Variants in PIK3C2A observed in about 807,000 individuals in gnomAD.
PIK3C2A encodes the protein phosphatidylinositol 4-phosphate 3-kinase C2 domain-containing subunit alpha.
A neutral mutation model predicts 204.5 loss-of-function variants in PIK3C2A; 97 were observed. The observed-to-expected ratio is 0.47, with a 90% CI of 0.40 to 0.56. PIK3C2A has a LOEUF of 0.56. Ranked by LOEUF, PIK3C2A falls within the 20% of genes least tolerant of loss-of-function variation. The pLI, the probability that PIK3C2A is intolerant of heterozygous loss-of-function variation, is 0.00. For synonymous variants in PIK3C2A, 653 were observed against 664.4 expected, an observed-to-expected ratio of 0.98 and a Z score of 0.26; for missense variants, 1,735 against 1,969.2, an observed-to-expected ratio of 0.88 and a Z score of 2.25.
intron 8 of PIK3C2A, among the ~76,000 whole-genome samples, chr11:17,138,564 T>G (rs534828751): frequency 1.8e-4 from 27 of 152,296 alleles, no homozygotes; most frequent in Non-Finnish European, 3.5e-4. Context: ...TTACTGTCCT[T>G]TTTTCCTCAG....
At chr11:17,136,258 G>A (rs1020177122) in intron 9 of PIK3C2A, among the ~76,000 whole-genome samples, 4 of 152,094 alleles carry the variant, frequency 2.6e-5, no homozygotes, top group Non-Finnish European at 5.9e-5. Context: ...TATACACAAA[G>A]GGTTCACAGT....
intron 1 of PIK3C2A, among the ~76,000 whole-genome samples, chr11:17,201,083 G>A (rs957354624): frequency 3.9e-5 from 6 of 152,102 alleles, no homozygotes; most frequent in African/African-American, 1.2e-4. Context: ...GCAGACGCCT[G>A]TAATCCCAGC....
chr11:17,136,540 G>A lies in PIK3C2A; in HGVS notation c.1790C>T (p.Thr597Ile). Residue 597 changes from threonine to isoleucine, a missense_variant, in exon 9 of 33, where the codon ACA becomes ATA. This residue lies in a region of PIK3C2A where 106 missense variants were observed against 108.2 expected (regional missense o/e 0.98). Transcript: ENST00000691414. ...ALDGVETLAI[T>I]ESVKKLKRAV... ...TCTCTTTAGCTTCTTTACTGATTCT[G>A]TAATGGCAAGAGTCTCGACACCATC... 6.2e-7 allele frequency: 1 copy of A among 1,606,572 alleles called. No homozygotes were observed. Among genetic ancestry groups the A allele is most frequent in the Non-Finnish European group, 8.5e-7 (1 of 1,173,444 alleles).
intron 1 of PIK3C2A, among the ~76,000 whole-genome samples, chr11:17,202,239 AGAGT>A (rs964318263): frequency 3.5e-5 from 5 of 142,596 alleles, no homozygotes; most frequent in Admixed American, 2.8e-4. Flanking sequence ...CTGGGCGACA[AGAGT>A]GAGACTTCAT....
intron 2 of PIK3C2A, among the ~76,000 whole-genome samples, chr11:17,165,114 T>G (rs1455472270): frequency 6.6e-6 from 1 of 152,154 alleles, no homozygotes; most frequent in Non-Finnish European, 1.5e-5. Context: ...TAACAACCTG[T>G]GCTTTGGGTT....
chr11:17,116,584 TAGCA>T (rs774518517), intron 19 of PIK3C2A, among the ~76,000 whole-genome samples: 6 of 151,956 alleles, frequency 3.9e-5, no homozygotes, highest in Non-Finnish European at 7.4e-5. Flanking sequence ...TGAATATTCA[TAGCA>T]GTATTCTTTT....
chr11:17,113,778 T>C (rs1371985694), intron 20 of PIK3C2A, among the ~76,000 whole-genome samples: 5 of 109,080 alleles, frequency 4.6e-5, no homozygotes, highest in Non-Finnish European at 7.1e-5. Flanking sequence ...CAAGACTCCA[T>C]CTCAAAAAAA....
chr11:17,201,525 C>CAAAAAAAAAAAAAAAAAAA (rs869055451), intron 1 of PIK3C2A, among the ~76,000 whole-genome samples: 1 of 28,938 alleles, frequency 3.5e-5, no homozygotes, highest in Non-Finnish European at 7.0e-5. Flanking sequence ...GACTCCGTCT[C>CAAAAAAAAAAAAAAAAAAA]AAAAAAAAAA....
chr11:17,095,545 C>T (rs527652998), intron 27 of PIK3C2A, among the ~76,000 whole-genome samples: 10 of 150,930 alleles, frequency 6.6e-5, no homozygotes, highest in Admixed American at 2.6e-4. Context: ...GAGCTGAGAT[C>T]ACACCTCTGC....
chr11:17,125,922 G>A (rs1182379056), intron 13 of PIK3C2A, among the ~76,000 whole-genome samples: 2 of 152,052 alleles, frequency 1.3e-5, no homozygotes, highest in Non-Finnish European at 1.5e-5. Context: ...CCAGGAGTTC[G>A]AGACCAACCT....
intron 1 of PIK3C2A, among the ~76,000 whole-genome samples, chr11:17,191,800 TA>T (rs543708998): frequency 1.1e-3 from 172 of 152,212 alleles, no homozygotes; most frequent in African/African-American, 3.9e-3. Flanking sequence ...AGGATCTTCA[TA>T]AAAGTTTTAG....
chr11:17,124,963 G>A (rs1849477044), intron 13 of PIK3C2A, among the ~76,000 whole-genome samples: 2 of 152,102 alleles, frequency 1.3e-5, no homozygotes, highest in South Asian at 4.1e-4. Flanking sequence ...TTCAGATTTA[G>A]TTCTTTGGCA....
At chr11:17,113,801 G>T (rs1314126163) in intron 20 of PIK3C2A, among the ~76,000 whole-genome samples, 1 of 147,304 alleles carries the variant, frequency 6.8e-6, no homozygotes, top group Non-Finnish European at 1.5e-5. Flanking sequence ...AAAAAAAAAG[G>T]CCAGGCATGG....
Position 17,145,679 on chromosome 11 carries a change from G to A in PIK3C2A, c.1693C>T (p.Leu565Phe). ...GAATTAAGACTTACTTCAATTTGAAGAGCCAGTTCTACTTGGTTGTGATAA... is the reference window on the plus strand; with the variant it reads ...GAATTAAGACTTACTTCAATTTGAAAAGCCAGTTCTACTTGGTTGTGATAA... ...DSYHNQVELA[L>F]QIENQHRAVD... Residue 565 changes from leucine to phenylalanine, a missense_variant, in exon 8 of 33, where the codon CTT becomes TTT. By Grantham distance (22) the Leu-to-Phe change is conservative. Transcript: ENST00000691414. 9 of 1,598,916 alleles carry A rather than the reference G, an allele frequency of 5.6e-6. No homozygotes were observed. Among genetic ancestry groups the A allele is most frequent in the Non-Finnish European group, 7.7e-6 (9 of 1,168,386 alleles).
intron 1 of PIK3C2A, among the ~76,000 whole-genome samples, chr11:17,196,186 A>C (rs898956967): frequency 6.6e-6 from 1 of 152,170 alleles, no homozygotes; most frequent in Non-Finnish European, 1.5e-5. Context: ...AAATCTTAAA[A>C]TCTCCATCTA....
rs1317461512 is a variant in PIK3C2A at position 17,101,423 on chromosome 11, G to A, written c.3863C>T (p.Pro1288Leu). The A allele has an allele frequency of 6.5e-7, 1 of 1,527,986 alleles. No individual in the cohort carries two copies. The highest frequency in any genetic ancestry group is 8.9e-7 in the Non-Finnish European group (1 of 1,122,538). 94.7% of individuals were successfully genotyped at this position (1,527,986 alleles called of 1,614,324 possible). A position where few individuals can be genotyped will look rare whatever the true frequency, so the allele number is the denominator to read the frequency against. ...TGCCATATCAGAGGTCAGCACAAAA[G>A]GAGCCCGATCCCTATTTAAAATGAA... ...MFGSFKRDRAPFVLTSDMAYV... is the reference protein window; with the variant it reads ...MFGSFKRDRALFVLTSDMAYV... The change falls in exon 25 of 33, where the codon CCT becomes CTT. Residue 1288 changes from proline (P) to leucine (L), a missense_variant. Coordinates refer to ENST00000691414, the MANE Select transcript of PIK3C2A (RefSeq NM_002645.4).
intron 1 of PIK3C2A, among the ~76,000 whole-genome samples, chr11:17,188,739 G>A (rs1851841694): frequency 6.8e-6 from 1 of 146,886 alleles, no homozygotes; most frequent in Admixed American, 6.6e-5. Flanking sequence ...AACTGAAAGA[G>A]ATCCCATCTG....
At chr11:17,126,227 A>G (rs1849517601) in intron 13 of PIK3C2A, among the ~76,000 whole-genome samples, 2 of 152,214 alleles carry the variant, frequency 1.3e-5, no homozygotes, top group African/African-American at 4.8e-5. Flanking sequence ...AATTCTGTTT[A>G]TATGCCAGTT....
intron 13 of PIK3C2A, among the ~76,000 whole-genome samples, chr11:17,126,607 T>C (rs1031066650): frequency 6.6e-6 from 1 of 152,206 alleles, no homozygotes; most frequent in Admixed American, 6.6e-5. Flanking sequence ...CATGTACTAA[T>C]GTAGAGAAAC....
Sources: allele counts gnomAD v4.1 joint callset (sites outside exome capture counted in the v4.1 genomes callset), GRCh38; gene constraint gnomAD v4.1.1; regional missense constraint gnomAD v4.1.1; transcripts MANE v1.5; gene names NCBI Gene and HGNC (gene_info 2026-07-23, HGNC 2026-07-21).